Variants in CHST15 observed in about 807,000 individuals in gnomAD.
The protein encoded by CHST15 is B cell RAG associated protein (GALNAC4S-6ST).
In CHST15, 30 loss-of-function variants were observed where a neutral mutation model predicts 53.6. The ratio of observed to expected loss-of-function variants is 0.56; its 90% CI spans 0.42 to 0.76. The LOEUF (loss-of-function observed/expected upper bound fraction) is 0.76, where lower values mean the gene tolerates loss of function less well. CHST15 is among the 30% of genes least tolerant of loss of function. The pLI, the probability that CHST15 is intolerant of heterozygous loss-of-function variation, is 0.00. For missense variants in CHST15, 627 were observed against 740.5 expected, an observed-to-expected ratio of 0.85 and a Z score of 1.78; for synonymous variants, 296 against 289.8, an observed-to-expected ratio of 1.02 and a Z score of -0.22.
intron 5 of CHST15, among the ~76,000 whole-genome samples, chr10:124,033,460 A>G (rs868759219): frequency 3.9e-5 from 6 of 152,182 alleles, no homozygotes; most frequent in South Asian, 4.1e-4. Flanking sequence ...GTCCTCAGTG[A>G]TCCCCGGTTC....
chr10:124,068,122 G>A (rs138717882), intron 1 of CHST15, among the ~76,000 whole-genome samples: 2 of 152,252 alleles, frequency 1.3e-5, no homozygotes, highest in Admixed American at 6.5e-5. Context: ...TAGCTGGCTC[G>A]AGCTCTCACC....
chr10:124,022,542 G>A (rs1195063731), intron 5 of CHST15, among the ~76,000 whole-genome samples: 1 of 152,206 alleles, frequency 6.6e-6, no homozygotes, highest in African/African-American at 2.4e-5. Flanking sequence ...AAACACCAGT[G>A]AGATCTCTAA....
In CHST15 at chr10:124,080,292, C is replaced by T. The variant is rs1416731774; in HGVS notation, c.-513+13177G>A. ...AATCCCATCCCATCAACAGGTTCTC[C>T]CCTTGGGGTCCTGGCACTGACTGTT... On this transcript the variant is annotated intron_variant, in intron 1 of 7. Coordinates refer to ENST00000435907, the MANE Select transcript of CHST15 (RefSeq NM_001270764.2). 2.6e-5 allele frequency among the ~76,000 whole-genome samples: 4 copies of T among 152,184 alleles called. No homozygotes were observed. In the South Asian group the frequency reaches 8.3e-4, roughly 32 times the overall value.
At chr10:124,060,430 G>A (rs575512523) in intron 1 of CHST15, among the ~76,000 whole-genome samples, 3 of 149,106 alleles carry the variant, frequency 2.0e-5, no homozygotes, top group African/African-American at 7.4e-5. Flanking sequence ...GCCCCACCAG[G>A]GGTGTGTGGA....
At chr10:124,090,330 G>A (rs985752481) in intron 1 of CHST15, among the ~76,000 whole-genome samples, 2 of 152,192 alleles carry the variant, frequency 1.3e-5, no homozygotes, top group African/African-American at 4.8e-5. Flanking sequence ...CCCTGTAGAT[G>A]GGCATGTGCT....
chr10:124,069,515 A>G (rs1175171687), intron 1 of CHST15, among the ~76,000 whole-genome samples: 1 of 152,220 alleles, frequency 6.6e-6, no homozygotes, highest in Non-Finnish European at 1.5e-5. Context: ...TGAGTCATCA[A>G]GATGAGTGAG....
At chr10:124,015,494 C>A (rs58714718) in intron 6 of CHST15, among the ~76,000 whole-genome samples, 230 of 148,980 alleles carry the variant, frequency 1.5e-3, no homozygotes, top group African/African-American at 5.6e-3. Flanking sequence ...ATGCAGGGCC[C>A]CAGGGAAAAG....
Position 124,021,392 on chromosome 10 carries a change from TAG to T in CHST15, c.1209_1210del (p.Tyr404LeufsTer6). The T allele has an allele frequency of 6.2e-7, 1 of 1,613,578 alleles. No homozygotes were observed. Among genetic ancestry groups the T allele is most frequent in the Non-Finnish European group, 8.5e-7 (1 of 1,179,534 alleles). Reference sequence around the variant, plus strand: ...CGCGGATTTATTCGAACTTGCAAAGTAGAGATAGTCTGAGTACAACCTGTGAA... The same window carrying T: ...CGCGGATTTATTCGAACTTGCAAAGTAGATAGTCTGAGTACAACCTGTGAA... On this transcript the variant is annotated frameshift_variant, in exon 6 of 8. Transcript: ENST00000435907. LOFTEE classifies it high-confidence loss of function.
At chr10:124,043,349 A>T (rs544322180) in intron 3 of CHST15, among the ~76,000 whole-genome samples, 10 of 152,312 alleles carry the variant, frequency 6.6e-5, no homozygotes, top group African/African-American at 2.4e-4. Flanking sequence ...ATGCATAGGG[A>T]TGTGAAACCC....
intron 1 of CHST15, among the ~76,000 whole-genome samples, chr10:124,060,948 T>C (rs919142470): frequency 3.9e-5 from 6 of 152,136 alleles, no homozygotes; most frequent in Non-Finnish European, 7.4e-5. Flanking sequence ...GCTGCCATTT[T>C]ATGGCAGGCA....
At chr10:124,063,814 G>A (rs925801651) in intron 1 of CHST15, among the ~76,000 whole-genome samples, 5 of 152,246 alleles carry the variant, frequency 3.3e-5, no homozygotes, top group African/African-American at 7.2e-5. Flanking sequence ...AGCAGGGGCA[G>A]CTGCCAGCTC....
chr10:124,020,952 C>T (rs533884018), intron 6 of CHST15: 8 of 1,391,070 alleles, frequency 5.8e-6, no homozygotes, highest in Non-Finnish European at 7.4e-6. Context: ...TCATGTCTGC[C>T]GATTCTAATT....
intron 1 of CHST15, among the ~76,000 whole-genome samples, chr10:124,084,687 A>G (rs1418530045): frequency 6.6e-6 from 1 of 152,206 alleles, no homozygotes; most frequent in Non-Finnish European, 1.5e-5. Context: ...ACCGGACATG[A>G]GAACCTCCTG....
rs893595037 is a variant in CHST15, at chr10:124,060,309, GC to G, written c.-512-13586del. Among the ~76,000 whole-genome samples the G allele has an allele frequency of 4.7e-5, 7 of 150,392 alleles. 1 individual carries two copies. The South Asian group carries it at 1.3e-3, about 27-fold the overall frequency. On this transcript the variant is annotated intron_variant, in intron 1 of 7. Transcript: ENST00000435907. ...GGAGTGAGTGTGCAGAGGTGTGTCT[GC>G]CCCCCCAGAAACGTGTTGTGCCAGG...
At chr10:124,089,104 C>G (rs1949526956) in intron 1 of CHST15, among the ~76,000 whole-genome samples, 1 of 152,214 alleles carries the variant, frequency 6.6e-6, no homozygotes, top group Non-Finnish European at 1.5e-5. Flanking sequence ...TCTCCTCATT[C>G]ACAGCACTGG....
intron 1 of CHST15, among the ~76,000 whole-genome samples, chr10:124,080,511 C>T (rs1949200336): frequency 1.3e-5 from 2 of 152,218 alleles, no homozygotes; most frequent in African/African-American, 4.8e-5. Context: ...CCTCTGTGAG[C>T]ACTGGGACCC....
Position 124,036,469 on chromosome 10 carries a change from G to C in CHST15, c.1190+2046C>G, listed in dbSNP as rs777762936. On this transcript the variant is annotated intron_variant, in intron 5 of 7. Transcript: ENST00000435907. The surrounding 1 kb of genome is among the most constrained non-coding windows in gnomAD (Gnocchi z 5.1). The stretch of plus-strand genomic sequence containing the variant: ...GCCACCAAGAGCTCAGGCTCAGAGC[G>C]CTGGGGCTGAGGGAGGGCAGATCCA... 2.6e-5 allele frequency among the ~76,000 whole-genome samples: 4 copies of C among 152,114 alleles called. No individual in the cohort carries two copies. Among genetic ancestry groups the C allele is most frequent in the Non-Finnish European group, 5.9e-5 (4 of 68,018 alleles).
intron 7 of CHST15, among the ~76,000 whole-genome samples, chr10:124,011,236 G>A (rs1946410296): frequency 6.6e-6 from 1 of 152,218 alleles, no homozygotes; most frequent in African/African-American, 2.4e-5. Context: ...TCTGGCCAAA[G>A]TCCTTAGCCC....
chr10:124,067,932 A>G (rs548593343), intron 1 of CHST15, among the ~76,000 whole-genome samples: 1 of 152,264 alleles, frequency 6.6e-6, no homozygotes, highest in South Asian at 2.1e-4. Flanking sequence ...AGAAGTGAGT[A>G]TCATTTCCCC....
Sources: allele counts gnomAD v4.1 joint callset (sites outside exome capture counted in the v4.1 genomes callset), GRCh38; gene constraint gnomAD v4.1.1; non-coding constraint Gnocchi (gnomAD v3.1); transcripts MANE v1.5; gene names NCBI Gene and HGNC (gene_info 2026-07-23, HGNC 2026-07-21).